ZFHX3: variants seen among roughly 807,000 people sequenced by gnomAD.
ZFHX3 encodes zinc finger homeobox protein 3.
Under a neutral mutation model 279.1 loss-of-function variants are expected in ZFHX3, and 42 were observed. The ratio of observed to expected loss-of-function variants is 0.15; its 90% CI spans 0.12 to 0.19. The LOEUF (loss-of-function observed/expected upper bound fraction) is 0.19, where lower values mean the gene tolerates loss of function less well. Among genes scored for constraint, ZFHX3 ranks in the 10% least tolerant of loss-of-function variants. The pLI is 1.00. For missense variants in ZFHX3, 4,981 were observed against 4,754.0 expected, an observed-to-expected ratio of 1.05 and a Z score of -1.40; for synonymous variants, 2,293 against 1,957.8, an observed-to-expected ratio of 1.17 and a Z score of -4.52.
intron 3 of ZFHX3, among the ~76,000 whole-genome samples, chr16:73,373,988 C>G (rs74028603): frequency 0.04 from 6,062 of 152,234 alleles, 315 homozygotes; most frequent in African/African-American, 0.12. Flanking sequence ...TACGTGCACT[C>G]TTGGGATGAG....
intron 4 of ZFHX3, among the ~76,000 whole-genome samples, chr16:72,848,840 G>A (rs1012009189): frequency 1.3e-5 from 2 of 151,980 alleles, no homozygotes; most frequent in African/African-American, 4.8e-5. Flanking sequence ...TTTCTGCTTA[G>A]TCACGGAACG....
At chr16:73,594,859 C>T (rs569023297) in intron 2 of ZFHX3, among the ~76,000 whole-genome samples, 2 of 152,050 alleles carry the variant, frequency 1.3e-5, no homozygotes, top group Admixed American at 1.3e-4. Flanking sequence ...TTTTTCTTAT[C>T]GCCTTTTGTT....
intron 1 of ZFHX3, among the ~76,000 whole-genome samples, chr16:73,839,218 C>T (rs947012596): frequency 2.7e-5 from 4 of 150,650 alleles, no homozygotes; most frequent in Admixed American, 6.6e-5. Context: ...CAAAATTAGC[C>T]GGGCATGGTG....
intron 3 of ZFHX3, chr16:73,400,960 G>A (rs556486094): frequency 6.6e-6 from 1 of 152,180 alleles, no homozygotes; most frequent in Non-Finnish European, 1.5e-5. Flanking sequence ...CGTCACCTCC[G>A]AGTAATTCTG....
rs541848505 is a variant in ZFHX3, at chr16:73,119,820, AG to A, written c.-897+11147del. Among the ~76,000 whole-genome samples the A allele has an allele frequency of 8.7e-3, 1,333 of 152,344 alleles. 26 individuals are homozygous for A. Among genetic ancestry groups the A allele is most frequent in the African/African-American group, 0.03 (1,247 of 41,572 alleles). Reference sequence around the variant, plus strand: ...CAGCCTCCTAAGTAGCTGGGACTACAGGCGTGCAACACCTTGCATGGTTTAT... The same window carrying A: ...CAGCCTCCTAAGTAGCTGGGACTACAGCGTGCAACACCTTGCATGGTTTAT... On this transcript the variant is annotated intron_variant, in intron 7 of 17. Transcript: ENST00000641206.
At chr16:73,626,933 T>C (rs1415252813) in intron 2 of ZFHX3, among the ~76,000 whole-genome samples, 1 of 152,204 alleles carries the variant, frequency 6.6e-6, no homozygotes, top group East Asian at 1.9e-4. Context: ...CTGCTTAGCA[T>C]CTGGGATAAA....
intron 3 of ZFHX3, among the ~76,000 whole-genome samples, chr16:72,950,083 A>G (rs1597002716): frequency 6.4e-5 from 1 of 15,588 alleles, no homozygotes; most frequent in Non-Finnish European, 1.8e-4. Context: ...GGAGAAATAG[A>G]AAAAAAAAAA....
chr16:73,001,500 C>T (rs1024156452), intron 1 of ZFHX3, among the ~76,000 whole-genome samples: 3 of 152,138 alleles, frequency 2.0e-5, no homozygotes, highest in African/African-American at 4.8e-5. Flanking sequence ...CAATACACAT[C>T]TCCATTTTGC....
chr16:72,854,559 A>C (rs916251425), intron 4 of ZFHX3, among the ~76,000 whole-genome samples: 1 of 152,318 alleles, frequency 6.6e-6, no homozygotes, highest in Non-Finnish European at 1.5e-5. Flanking sequence ...CGACTGGCAG[A>C]AGATGGTCCT....
chr16:73,392,207 G>A (rs529419963), intron 3 of ZFHX3, among the ~76,000 whole-genome samples: 1 of 151,854 alleles, frequency 6.6e-6, no homozygotes, highest in African/African-American at 2.4e-5. Flanking sequence ...TTCACTTGAG[G>A]TCAGGAGTTC....
intron 1 of ZFHX3, among the ~76,000 whole-genome samples, chr16:73,879,348 T>C (rs1414726374): frequency 6.6e-6 from 1 of 151,698 alleles, no homozygotes; most frequent in Non-Finnish European, 1.5e-5. Flanking sequence ...AGTCTCTTTT[T>C]ATATGTTCTT....
chr16:73,265,079 G>A (rs1334627750), intron 4 of ZFHX3, among the ~76,000 whole-genome samples: 15 of 14,448 alleles, frequency 1.0e-3, no homozygotes, highest in African/African-American at 1.7e-3. Flanking sequence ...GCATATATGC[G>A]TGTGTGTGTG....
intron 4 of ZFHX3, among the ~76,000 whole-genome samples, chr16:73,291,859 C>T (rs1461996641): frequency 6.6e-6 from 1 of 152,150 alleles, no homozygotes; most frequent in Non-Finnish European, 1.5e-5. Flanking sequence ...TCTGAGTATG[C>T]CACATATTCT....
At chr16:73,177,982 G>A (rs1306088970) in intron 5 of ZFHX3, among the ~76,000 whole-genome samples, 3 of 152,132 alleles carry the variant, frequency 2.0e-5, no homozygotes, top group Non-Finnish European at 4.4e-5. Flanking sequence ...AGTCGGGGCG[G>A]GCTACCTCTC....
intron 2 of ZFHX3, among the ~76,000 whole-genome samples, chr16:73,543,093 G>A (rs1309338452): frequency 6.6e-6 from 1 of 152,204 alleles, no homozygotes; most frequent in Admixed American, 6.5e-5. Flanking sequence ...AGGAGGCTCG[G>A]CTCGGGCAGG....
intron 5 of ZFHX3, among the ~76,000 whole-genome samples, chr16:73,198,832 C>G (rs1013804970): frequency 6.6e-6 from 1 of 152,226 alleles, no homozygotes; most frequent in African/African-American, 2.4e-5. Context: ...GCACTGGATT[C>G]TTTCCCCCAA....
rs1314675677 is a variant in ZFHX3, at chr16:72,785,997, C to A, written c.*1167G>T. The A allele has an allele frequency of 6.6e-6, 1 of 152,092 alleles. No homozygotes were observed. Among genetic ancestry groups the A allele is most frequent in the Non-Finnish European group, 1.5e-5 (1 of 68,030 alleles). 9.4% of individuals were successfully genotyped at this position (152,092 alleles called of 1,614,324 possible). On this transcript the variant is annotated 3_prime_UTR_variant, in exon 10 of 10. Coordinates refer to ENST00000268489, the MANE Select transcript of ZFHX3 (RefSeq NM_006885.4). ...CTTTCTTTAGTTTTATAAAATAATTCTGCAGCTCCCTCTAAGAAATGAAGG... is the reference window on the plus strand; with the variant it reads ...CTTTCTTTAGTTTTATAAAATAATTATGCAGCTCCCTCTAAGAAATGAAGG...
chr16:73,032,391 C>G (rs1964737665), intron 1 of ZFHX3, among the ~76,000 whole-genome samples: 1 of 152,146 alleles, frequency 6.6e-6, no homozygotes. Flanking sequence ...ACAAGGCATC[C>G]ATTCCTAACT....
intron 4 of ZFHX3, among the ~76,000 whole-genome samples, chr16:73,285,987 T>A (rs1381817381): frequency 6.6e-6 from 1 of 152,268 alleles, no homozygotes; most frequent in East Asian, 1.9e-4. Flanking sequence ...AACGCGTATT[T>A]ATTATACATT....
Sources: gnomAD v4.1 joint callset for allele counts (sites outside exome capture counted in the v4.1 genomes callset) on GRCh38, gnomAD v4.1.1 for gene constraint, MANE v1.5 for transcripts, NCBI Gene and HGNC (gene_info 2026-07-23, HGNC 2026-07-21) for gene names.